SLC9A9: variants seen among roughly 807,000 people sequenced by gnomAD.
SLC9A9 encodes the protein sodium/hydrogen exchanger 9.
A neutral mutation model predicts 77.8 loss-of-function variants in SLC9A9; 62 were observed. The ratio of observed to expected loss-of-function variants is 0.80; its 90% CI spans 0.65 to 0.98. The LOEUF (loss-of-function observed/expected upper bound fraction) is 0.98, where lower values mean the gene tolerates loss of function less well. Ranked by LOEUF, SLC9A9 falls within the 50% of genes least tolerant of loss-of-function variation. SLC9A9 has a pLI of 0.00. For synonymous variants in SLC9A9, 320 were observed against 283.5 expected (o/e 1.13, Z -1.29); for missense variants, 775 against 774.9 (o/e 1.00, Z 0.00).
intron 12 of SLC9A9, among the ~76,000 whole-genome samples, chr3:143,416,636 T>G (rs1429898961): frequency 6.6e-6 from 1 of 152,230 alleles, no homozygotes; most frequent in Non-Finnish European, 1.5e-5. Flanking sequence ...CACAGCATTC[T>G]GTAAACCTAA....
intron 9 of SLC9A9, chr3:143,503,282 G>T: frequency 3.8e-6 from 1 of 264,764 alleles, no homozygotes; most frequent in Non-Finnish European, 7.4e-6. Context: ...GGTCTAGGAG[G>T]CCATGTGGAC....
chr3:143,459,538 T>C (rs2035152319), intron 12 of SLC9A9, among the ~76,000 whole-genome samples: 1 of 152,174 alleles, frequency 6.6e-6, no homozygotes, highest in South Asian at 2.1e-4. Flanking sequence ...GCATATGTGA[T>C]ACCCAGTGTC....
At chr3:143,525,306 C>T (rs759010844) in intron 9 of SLC9A9, among the ~76,000 whole-genome samples, 5 of 152,166 alleles carry the variant, frequency 3.3e-5, no homozygotes, top group Non-Finnish European at 5.9e-5. Flanking sequence ...GACAAAGCTT[C>T]TGTAAGCATT....
intron 14 of SLC9A9, among the ~76,000 whole-genome samples, chr3:143,339,600 T>A (rs1353249257): frequency 1.3e-5 from 2 of 152,224 alleles, no homozygotes; most frequent in African/African-American, 4.8e-5. Context: ...TTTTCCCTGA[T>A]GTTCTTAAGG....
intron 15 of SLC9A9, among the ~76,000 whole-genome samples, chr3:143,267,420 C>G (rs1053063280): frequency 1.4e-5 from 2 of 147,002 alleles, no homozygotes; most frequent in African/African-American, 5.2e-5. Flanking sequence ...GCGATCTCAG[C>G]TTACTTCAAC....
intron 14 of SLC9A9, among the ~76,000 whole-genome samples, chr3:143,310,487 G>A (rs76809388): frequency 1.5e-4 from 22 of 150,922 alleles, no homozygotes; most frequent in Admixed American, 6.6e-4. Context: ...AAATGCAGGC[G>A]TGGTGTGGCC....
At chr3:143,436,151 G>A (rs1361875873) in intron 12 of SLC9A9, among the ~76,000 whole-genome samples, 3 of 152,174 alleles carry the variant, frequency 2.0e-5, no homozygotes, top group African/African-American at 7.2e-5. Context: ...CATCAGGGCT[G>A]GGGGTGTCCA....
intron 4 of SLC9A9, among the ~76,000 whole-genome samples, chr3:143,724,798 A>T (rs1934593593): frequency 6.6e-6 from 1 of 152,248 alleles, no homozygotes; most frequent in African/African-American, 2.4e-5. Flanking sequence ...TACCTACCAC[A>T]GAGTATTTAG....
At chr3:143,696,875 T>C (rs890277795) in intron 4 of SLC9A9, among the ~76,000 whole-genome samples, 1 of 152,092 alleles carries the variant, frequency 6.6e-6, no homozygotes, top group Non-Finnish European at 1.5e-5. Context: ...GAAACGAAAT[T>C]AAAGTTTTTA....
chr3:143,669,265 C>T (rs1223847323), intron 5 of SLC9A9, among the ~76,000 whole-genome samples: 1 of 152,190 alleles, frequency 6.6e-6, no homozygotes, highest in Non-Finnish European at 1.5e-5. Context: ...TCTTCTTTAA[C>T]ACATAAATGG....
In SLC9A9 at chr3:143,825,419, A is replaced by G. The variant is rs1225584142; in HGVS notation, c.378+6600T>C. Among the ~76,000 whole-genome samples, 4 of 152,018 alleles carry G rather than the reference A, an allele frequency of 2.6e-5. No homozygotes were observed. In the East Asian group the frequency reaches 7.7e-4, roughly 29 times the overall value. On this transcript the variant is annotated intron_variant, in intron 2 of 15. Transcript: ENST00000316549. ...TAGGAAAAGTTGGATGGTGAGAAAA[A>G]AAAAAGGACTTTGATTTATTTATTT...
At chr3:143,462,326 T>C (rs1404555716) in intron 12 of SLC9A9, among the ~76,000 whole-genome samples, 1 of 152,090 alleles carries the variant, frequency 6.6e-6, no homozygotes, top group Non-Finnish European at 1.5e-5. Context: ...GGAGCTATGA[T>C]TGAGCCACTG....
intron 14 of SLC9A9, among the ~76,000 whole-genome samples, chr3:143,275,477 CTCCTATTCTCTAGATGTT>C (rs1938018605): frequency 6.6e-6 from 1 of 152,046 alleles, no homozygotes; most frequent in African/African-American, 2.4e-5. Context: ...TCTTTAGGGA[CTCCTATTCTCTAGATGTT>C]CAATTTCTTA....
intron 1 of SLC9A9, among the ~76,000 whole-genome samples, chr3:143,843,801 T>A (rs573626714): frequency 1.3e-5 from 2 of 152,282 alleles, no homozygotes; most frequent in African/African-American, 4.8e-5. Flanking sequence ...ATACAGGCCC[T>A]AAGTGAGTGG....
intron 4 of SLC9A9, among the ~76,000 whole-genome samples, chr3:143,734,699 A>T (rs929455947): frequency 6.9e-6 from 1 of 145,652 alleles, no homozygotes; most frequent in African/African-American, 2.6e-5. Context: ...CCGCCACTGC[A>T]CTCCAGCCTG....
At chr3:143,460,126 A>G (rs60765365) in intron 12 of SLC9A9, among the ~76,000 whole-genome samples, 42,826 of 152,028 alleles carry the variant, frequency 0.28, 6,236 homozygotes, top group East Asian at 0.49. Context: ...TTCTTATTTT[A>G]TAATTCTGGT....
intron 12 of SLC9A9, among the ~76,000 whole-genome samples, chr3:143,440,869 C>T (rs1029598421): frequency 3.3e-5 from 5 of 152,194 alleles, no homozygotes; most frequent in Non-Finnish European, 2.9e-5. Context: ...TGTTATTCTA[C>T]AGAGCTTGGT....
At chr3:143,542,829 A>T (rs1462246372) in intron 9 of SLC9A9, among the ~76,000 whole-genome samples, 2 of 152,234 alleles carry the variant, frequency 1.3e-5, no homozygotes, top group Non-Finnish European at 2.9e-5. Flanking sequence ...TTCAAGGCAA[A>T]ATCAGACAGT....
At chr3:143,632,596 G>A (rs1333431262) in intron 6 of SLC9A9, among the ~76,000 whole-genome samples, 1 of 151,864 alleles carries the variant, frequency 6.6e-6, no homozygotes, top group Non-Finnish European at 1.5e-5. Context: ...TTGATTTTAT[G>A]GAAATTTATT....
Sources: allele counts gnomAD v4.1 joint callset (sites outside exome capture counted in the v4.1 genomes callset), GRCh38; gene constraint gnomAD v4.1.1; transcripts MANE v1.5; gene names NCBI Gene and HGNC (gene_info 2026-07-23, HGNC 2026-07-21).